CDH13: variants seen among roughly 807,000 people sequenced by gnomAD.
CDH13 encodes cadherin 13, also known as cadherin-13.
CDH13 carries 24 observed loss-of-function variants against 63.8 expected under a neutral mutation model. The ratio of observed to expected loss-of-function variants is 0.38; its 90% CI spans 0.27 to 0.53. The LOEUF (loss-of-function observed/expected upper bound fraction) is 0.53, where lower values mean the gene tolerates loss of function less well. CDH13 is among the 20% of genes least tolerant of loss of function. The probability of loss-of-function intolerance (pLI) is 0.85; values close to 1 mark genes in which losing one functional copy is unlikely to be tolerated. For missense variants in CDH13, 1,049 were observed against 903.1 expected (o/e 1.16, Z -2.07); for synonymous variants, 503 against 355.3 (o/e 1.42, Z -4.67).
At chr16:83,109,246 T>C (rs747218724) in intron 3 of CDH13, among the ~76,000 whole-genome samples, 1 of 152,016 alleles carries the variant, frequency 6.6e-6, no homozygotes, top group Non-Finnish European at 1.5e-5. Flanking sequence ...TCCTGGGAAA[T>C]TTTCCCAGGT....
chr16:83,268,929 A>AGACTGCAAGGTC (rs2088707935), intron 5 of CDH13, among the ~76,000 whole-genome samples: 1 of 151,810 alleles, frequency 6.6e-6, no homozygotes, highest in African/African-American at 2.4e-5. Flanking sequence ...GCCACAAGCC[A>AGACTGCAAGGTC]AAGACCAGAG....
At chr16:83,016,647 T>C (rs993801162) in intron 2 of CDH13, among the ~76,000 whole-genome samples, 3 of 152,134 alleles carry the variant, frequency 2.0e-5, no homozygotes, top group Admixed American at 1.3e-4. Flanking sequence ...AGGAAGGAGA[T>C]CCATTGTTGC....
At chr16:82,903,342 T>C (rs906645366) in intron 2 of CDH13, among the ~76,000 whole-genome samples, 2 of 152,212 alleles carry the variant, frequency 1.3e-5, no homozygotes, top group African/African-American at 4.8e-5. Flanking sequence ...TACCTGCACC[T>C]GTCCTCTTTG....
chr16:83,370,709 G>A (rs1351835152), intron 6 of CDH13, among the ~76,000 whole-genome samples: 1 of 152,196 alleles, frequency 6.6e-6, no homozygotes, highest in Non-Finnish European at 1.5e-5. Flanking sequence ...ACTTATAAAT[G>A]AGAACATGTG....
intron 1 of CDH13, among the ~76,000 whole-genome samples, chr16:82,723,286 T>G (rs1200562358): frequency 6.6e-6 from 1 of 152,246 alleles, no homozygotes; most frequent in Non-Finnish European, 1.5e-5. Context: ...CTCTCAGGGC[T>G]GTGTTTCTTT....
intron 6 of CDH13, among the ~76,000 whole-genome samples, chr16:83,455,973 G>T (rs1227905727): frequency 6.6e-6 from 1 of 152,254 alleles, no homozygotes; most frequent in African/African-American, 2.4e-5. Context: ...TGTAAAGACA[G>T]CAGGGCTGAG....
chr16:82,732,246 T>C (rs2033441141), intron 1 of CDH13, among the ~76,000 whole-genome samples: 1 of 152,192 alleles, frequency 6.6e-6, no homozygotes, highest in Admixed American at 6.5e-5. Context: ...AAATATTATG[T>C]TTGTAGCTGA....
At chr16:83,616,825 A>G (rs910038661) in intron 8 of CDH13, among the ~76,000 whole-genome samples, 3 of 152,138 alleles carry the variant, frequency 2.0e-5, no homozygotes, top group African/African-American at 4.8e-5. Context: ...ATGGTTTCAA[A>G]CACTGTCCAC....
intron 2 of CDH13, 121 bp downstream of exon 2, chr16:82,858,594 A>T: frequency 1.3e-6 from 1 of 775,534 alleles, no homozygotes. Flanking sequence ...TATTTTTCTT[A>T]TGTCACTGCT....
intron 8 of CDH13, among the ~76,000 whole-genome samples, chr16:83,649,760 T>C (rs1055519405): frequency 1.3e-5 from 2 of 152,086 alleles, no homozygotes; most frequent in Non-Finnish European, 2.9e-5. Flanking sequence ...TCTTCCCCTG[T>C]GGGTCAAGCA....
chr16:83,550,219 C>G (rs978152712), intron 7 of CDH13, among the ~76,000 whole-genome samples: 2 of 152,208 alleles, frequency 1.3e-5, no homozygotes, highest in African/African-American at 4.8e-5. Flanking sequence ...GAGGGACAAA[C>G]AAAACACCTG....
chr16:82,972,987 T>C (rs1327355259), intron 2 of CDH13, among the ~76,000 whole-genome samples: 1 of 152,218 alleles, frequency 6.6e-6, no homozygotes, highest in Non-Finnish European at 1.5e-5. Context: ...TGATTTGTTC[T>C]GGAGTCTCGA....
chr16:82,830,877 A>T (rs2038508637), intron 1 of CDH13, among the ~76,000 whole-genome samples: 1 of 152,254 alleles, frequency 6.6e-6, no homozygotes. Flanking sequence ...CAAGATATAG[A>T]ATAAGTCATT....
At chr16:83,132,435 A>AC (rs1305866038) in intron 4 of CDH13, among the ~76,000 whole-genome samples, 14 of 36,450 alleles carry the variant, frequency 3.8e-4, no homozygotes, top group South Asian at 1.5e-3. Flanking sequence ...CCCCCCACCC[A>AC]CCCCCCAACA....
intron 7 of CDH13, among the ~76,000 whole-genome samples, chr16:83,576,388 C>T (rs1450140393): frequency 6.6e-6 from 1 of 152,176 alleles, no homozygotes; most frequent in Admixed American, 6.5e-5. Context: ...GGGTGGAGCA[C>T]ATTTTGTTTA....
At chr16:83,184,110 A>G (rs957123349) in intron 4 of CDH13, among the ~76,000 whole-genome samples, 1 of 147,298 alleles carries the variant, frequency 6.8e-6, no homozygotes, top group African/African-American at 2.6e-5. Context: ...ACACACACAC[A>G]CACACACACA....
intron 4 of CDH13, among the ~76,000 whole-genome samples, chr16:83,192,482 G>A (rs943519916): frequency 6.6e-6 from 1 of 152,156 alleles, no homozygotes; most frequent in Non-Finnish European, 1.5e-5. Flanking sequence ...TGCATTTGGT[G>A]CTTTTTGTGA....
At chr16:83,135,546 G>A (rs1469092364) in intron 4 of CDH13, among the ~76,000 whole-genome samples, 1 of 152,158 alleles carries the variant, frequency 6.6e-6, no homozygotes, top group Non-Finnish European at 1.5e-5. Flanking sequence ...ACCTGCAATT[G>A]TACCAGGGCT....
chr16:83,319,074 T>G (rs1317234189), intron 5 of CDH13, among the ~76,000 whole-genome samples: 1 of 151,862 alleles, frequency 6.6e-6, no homozygotes, highest in African/African-American at 2.4e-5. Flanking sequence ...CACCTGCAAG[T>G]GAAGCTTAGG....
Sources: gnomAD v4.1 joint callset for allele counts (sites outside exome capture counted in the v4.1 genomes callset) on GRCh38, gnomAD v4.1.1 for gene constraint, MANE v1.5 for transcripts, NCBI Gene and HGNC (gene_info 2026-07-23, HGNC 2026-07-21) for gene names.